RIMS1: variants seen among roughly 807,000 people sequenced by gnomAD.
RIMS1 encodes regulating synaptic membrane exocytosis protein 1.
RIMS1 carries 83 observed loss-of-function variants against 214.1 expected under a neutral mutation model. The ratio of observed to expected loss-of-function variants is 0.39; its 90% CI spans 0.32 to 0.47. RIMS1 has a LOEUF of 0.47. Ranked by LOEUF, RIMS1 falls within the 20% of genes least tolerant of loss-of-function variation. The pLI is 0.99. For synonymous variants in RIMS1, 793 were observed against 786.8 expected (o/e 1.01, Z -0.13); for missense variants, 2,050 against 2,161.8 (o/e 0.95, Z 1.03).
rs2043222528 is a variant in RIMS1 at position 72,149,534 on chromosome 6, T to TG, written c.472-30036dup. Among the ~76,000 whole-genome samples the TG allele has an allele frequency of 6.0e-5, 9 of 150,338 alleles. No individual in the cohort carries two copies. In the South Asian group the frequency reaches 1.9e-3, roughly 32 times the overall value. On this transcript the variant is annotated intron_variant, in intron 4 of 33. Coordinates refer to ENST00000521978, the MANE Select transcript of RIMS1 (RefSeq NM_014989.7). ...TCCTTACACCTGAGAGTGATGGGGG[T>TG]GGGGGTGGTGGCAGAGCCCTCCCCA...
chr6:72,026,700 T>G lies in RIMS1; in HGVS notation c.245+57637T>G, dbSNP rs568129017. On this transcript the variant is annotated intron_variant, in intron 2 of 33. Transcript: ENST00000521978. Reference sequence around the variant, plus strand: ...CTTATCTAATCAACAGATAGAAAGATCATTTCCACCATCACCTCACACAAC... The same window carrying G: ...CTTATCTAATCAACAGATAGAAAGAGCATTTCCACCATCACCTCACACAAC... Among the ~76,000 whole-genome samples the G allele has an allele frequency of 5.7e-4, 86 of 152,138 alleles. 1 individual carries two copies. Among genetic ancestry groups the G allele is most frequent in the Non-Finnish European group, 1.1e-3 (77 of 68,020 alleles).
At chr6:72,352,140 C>A (rs1040081742) in intron 29 of RIMS1, among the ~76,000 whole-genome samples, 2 of 152,210 alleles carry the variant, frequency 1.3e-5, no homozygotes, top group African/African-American at 4.8e-5. Context: ...TACAACCATG[C>A]CAGCTTCTTG....
At position 72,250,375 on chromosome 6, in the gene RIMS1, G is replaced by C; in HGVS notation, c.2287G>C (p.Val763Leu). 1 of 1,610,190 alleles carries C rather than the reference G, an allele frequency of 6.2e-7. No homozygotes were observed. The change falls in exon 13 of 34, where the codon GTT (valine) becomes CTT (leucine). Residue 763 changes from valine to leucine, a missense_variant. Val to Leu is a conservative substitution (Grantham distance 32). Coordinates refer to ENST00000521978, the MANE Select transcript of RIMS1 (RefSeq NM_014989.7). ...AGTGGGACACCAGCTGATTGTAAAT[G>C]TTCTGCAAGCAACAGATCTACCTGC... ...DKVGHQLIVN[V>L]LQATDLPARV...
intron 22 of RIMS1, among the ~76,000 whole-genome samples, chr6:72,271,314 T>TATATATATATATATATATAG: frequency 7.1e-6 from 1 of 141,210 alleles, no homozygotes. Context: ...TATATATATA[T>TATATATATATATATATATAG]ATGTTAATTA....
chr6:71,970,628 C>T (rs1223037005), intron 2 of RIMS1, among the ~76,000 whole-genome samples: 1 of 152,186 alleles, frequency 6.6e-6, no homozygotes, highest in Admixed American at 6.5e-5. Flanking sequence ...ACTTTAATTG[C>T]ACCTTGTGGA....
intron 4 of RIMS1, among the ~76,000 whole-genome samples, chr6:72,138,410 T>G (rs1171967208): frequency 2.0e-5 from 3 of 152,116 alleles, no homozygotes; most frequent in Non-Finnish European, 4.4e-5. Flanking sequence ...CTCATTCCTC[T>G]CCCCAGCTTC....
intron 29 of RIMS1, among the ~76,000 whole-genome samples, chr6:72,334,438 G>T (rs2096773200): frequency 6.6e-6 from 1 of 151,792 alleles, no homozygotes; most frequent in Admixed American, 6.6e-5. Context: ...AAAGCTTAAT[G>T]TCCTAAAGGT....
chr6:71,964,606 GA>G (rs1347519078), intron 1 of RIMS1, among the ~76,000 whole-genome samples: 1 of 152,064 alleles, frequency 6.6e-6, no homozygotes, highest in Non-Finnish European at 1.5e-5. Flanking sequence ...CAAGTCTAAA[GA>G]TTTTCACTTG....
At chr6:72,108,871 C>A (rs1051280125) in intron 4 of RIMS1, among the ~76,000 whole-genome samples, 1 of 123,326 alleles carries the variant, frequency 8.1e-6, no homozygotes, top group Non-Finnish European at 1.6e-5. Flanking sequence ...CCACCACAGT[C>A]CCTAGAGTGT....
chr6:72,246,363 G>A (rs2154123831), intron 11 of RIMS1, among the ~76,000 whole-genome samples: 1 of 152,244 alleles, frequency 6.6e-6, no homozygotes, highest in Admixed American at 6.5e-5. Flanking sequence ...TGAAACCAGA[G>A]GGTTGAAAGA....
chr6:71,980,539 A>G (rs1798235435), intron 2 of RIMS1, among the ~76,000 whole-genome samples: 1 of 152,142 alleles, frequency 6.6e-6, no homozygotes, highest in Non-Finnish European at 1.5e-5. Flanking sequence ...AGGCCAGTTT[A>G]TGAATGTCCT....
At chr6:72,271,604 A>G (rs1384642219) in intron 22 of RIMS1, among the ~76,000 whole-genome samples, 1 of 152,092 alleles carries the variant, frequency 6.6e-6, no homozygotes, top group African/African-American at 2.4e-5. Flanking sequence ...ACAGGTATTA[A>G]TAATACACAT....
chr6:71,954,375 G>A (rs1307139038), intron 1 of RIMS1, among the ~76,000 whole-genome samples: 2 of 152,096 alleles, frequency 1.3e-5, no homozygotes, highest in African/African-American at 4.8e-5. Flanking sequence ...CAGTAGCATG[G>A]TTTGGACTTT....
chr6:72,052,727 AAAGC>A (rs1825052554), intron 2 of RIMS1, among the ~76,000 whole-genome samples: 1 of 152,232 alleles, frequency 6.6e-6, no homozygotes, highest in Non-Finnish European at 1.5e-5. Flanking sequence ...TGCTATAGGT[AAAGC>A]ATCTATTTTT....
At chr6:72,253,115 A>T (rs900695052) in intron 16 of RIMS1, among the ~76,000 whole-genome samples, 4 of 152,170 alleles carry the variant, frequency 2.6e-5, no homozygotes, top group African/African-American at 9.7e-5. Context: ...GAAAATACGA[A>T]TTTTATTTTG....
intron 29 of RIMS1, among the ~76,000 whole-genome samples, chr6:72,387,727 G>A (rs1487595101): frequency 6.6e-6 from 1 of 152,138 alleles, no homozygotes; most frequent in Admixed American, 6.5e-5. Context: ...ACTCTTGGTA[G>A]GAGTATAAAT....
intron 2 of RIMS1, among the ~76,000 whole-genome samples, chr6:72,052,946 C>T (rs1825127550): frequency 6.6e-6 from 1 of 152,174 alleles, no homozygotes. Context: ...TGCAGTTACA[C>T]TAGTTCTACT....
chr6:72,343,492 C>CTTTTTTTTTTTTTTT (rs764125827), intron 29 of RIMS1, among the ~76,000 whole-genome samples: 41 of 57,262 alleles, frequency 7.2e-4, no homozygotes, highest in African/African-American at 8.7e-4. Context: ...TCTTCTTCTT[C>CTTTTTTTTTTTTTTT]TTTTTTTTTT....
At chr6:71,888,049 A>G (rs1056314269) in intron 1 of RIMS1, among the ~76,000 whole-genome samples, 2 of 152,140 alleles carry the variant, frequency 1.3e-5, no homozygotes, top group African/African-American at 4.8e-5. Context: ...CCTTCAAGGG[A>G]TTTCTGTCTG....
Sources: allele counts gnomAD v4.1 joint callset (sites outside exome capture counted in the v4.1 genomes callset), GRCh38; gene constraint gnomAD v4.1.1; transcripts MANE v1.5; gene names NCBI Gene and HGNC (gene_info 2026-07-23, HGNC 2026-07-21).